Variants in ADAD1 observed in about 807,000 individuals in gnomAD.
ADAD1 encodes the protein adenosine deaminase domain containing 1.
Under a neutral mutation model 66.8 loss-of-function variants are expected in ADAD1, and 46 were observed. The observed-to-expected ratio is 0.69, with a 90% CI of 0.54 to 0.88. The LOEUF is 0.88. Among genes scored for constraint, ADAD1 ranks in the 40% least tolerant of loss-of-function variants. ADAD1 has a pLI of 0.00. For missense variants in ADAD1, 617 were observed against 681.8 expected (o/e 0.91, Z 1.06); for synonymous variants, 248 against 229.4 (o/e 1.08, Z -0.73).
intron 11 of ADAD1, among the ~76,000 whole-genome samples, chr4:122,418,811 C>G (rs1002295112): frequency 6.6e-6 from 1 of 152,042 alleles, no homozygotes; most frequent in African/African-American, 2.4e-5. Context: ...TTTAAAATTG[C>G]TAATCAAAGC....
At chr4:122,392,467 C>G (rs1795495741) in intron 5 of ADAD1, among the ~76,000 whole-genome samples, 1 of 152,184 alleles carries the variant, frequency 6.6e-6, no homozygotes, top group Non-Finnish European at 1.5e-5. Flanking sequence ...CCAAATACCT[C>G]AAGTTCTCAC....
chr4:122,425,915 G>C (rs534635136), intron 12 of ADAD1, among the ~76,000 whole-genome samples: 63 of 152,030 alleles, frequency 4.1e-4, no homozygotes, highest in Non-Finnish European at 8.1e-4. Flanking sequence ...TTAAAAATCA[G>C]TTATTGGAGC....
intron 7 of ADAD1, among the ~76,000 whole-genome samples, chr4:122,403,990 C>T (rs1796095044): frequency 1.3e-5 from 2 of 152,176 alleles, no homozygotes; most frequent in Admixed American, 1.3e-4. Context: ...CCAGCCCCCA[C>T]ACAGCCAACA....
At chr4:122,392,037 C>T (rs1265184448) in intron 5 of ADAD1, among the ~76,000 whole-genome samples, 1 of 152,148 alleles carries the variant, frequency 6.6e-6, no homozygotes. Context: ...AAATGCAAAA[C>T]ATCTTGTACA....
intron 12 of ADAD1, among the ~76,000 whole-genome samples, chr4:122,423,243 G>A (rs77943279): frequency 0.049 from 7,487 of 152,268 alleles, 260 homozygotes; most frequent in Non-Finnish European, 0.074. Flanking sequence ...AAACTTGGTA[G>A]GAAATTAATG....
chr4:122,384,614 A>G (rs1346023618), intron 5 of ADAD1, among the ~76,000 whole-genome samples: 1 of 152,166 alleles, frequency 6.6e-6, no homozygotes, highest in Non-Finnish European at 1.5e-5. Flanking sequence ...ACTTTGTTGA[A>G]CTCAAGTTAA....
At position 122,421,221 on chromosome 4, in the gene ADAD1, T is replaced by C. The variant is rs771813964; in HGVS notation, c.1488-40T>C. The C allele has an allele frequency of 2.1e-6, 3 of 1,450,952 alleles. No individual in the cohort carries two copies. In the South Asian group the frequency reaches 4.7e-5, roughly 23 times the overall value. The allele number at this position is 1,450,952 out of a possible 1,614,324, so 89.9% of individuals were successfully genotyped here. ...CTATACAATTGCCAACATAAATTAC[T>C]GAAAAAGAAATTTAAAAAATTTTAT... On this transcript the variant is annotated intron_variant, in intron 11 of 12. Coordinates refer to ENST00000296513, the MANE Select transcript of ADAD1 (RefSeq NM_139243.4).
At position 122,415,505 on chromosome 4, in the gene ADAD1, C is replaced by T. The variant is rs1277935147; in HGVS notation, c.1376C>T (p.Ser459Phe). ...AGACCTCATATTAGTTTAGTACCCTCTGCATATCCCCTTCAAATGAACTTG... is the reference window on the plus strand; with the variant it reads ...AGACCTCATATTAGTTTAGTACCCTTTGCATATCCCCTTCAAATGAACTTG... ...VNRPHISLVPSAYPLQMNLEY... is the reference protein window; with the variant it reads ...VNRPHISLVPFAYPLQMNLEY... Residue 459 changes from serine (S) to phenylalanine (F), a missense_variant, in exon 11 of 13, where the codon TCT (serine) becomes TTT (phenylalanine). By Grantham distance (155) the Ser-to-Phe change is radical (BLOSUM62 -2). Coordinates refer to ENST00000296513, the MANE Select transcript of ADAD1 (RefSeq NM_139243.4). 1.2e-6 allele frequency: 2 copies of T among 1,613,942 alleles called. No homozygotes were observed. The highest frequency in any genetic ancestry group is 1.7e-6 in the Non-Finnish European group (2 of 1,179,876).
intron 5 of ADAD1, among the ~76,000 whole-genome samples, chr4:122,389,626 T>C (rs1795343699): frequency 6.6e-6 from 1 of 152,236 alleles, no homozygotes; most frequent in African/African-American, 2.4e-5. Flanking sequence ...CCTTTGTCTT[T>C]TTTGATCTTT....
chr4:122,393,439 G>A (rs1795549267), intron 5 of ADAD1, 150 bp from the exon 6 acceptor site: 3 of 499,516 alleles, frequency 6.0e-6, no homozygotes, highest in African/African-American at 2.0e-5. Context: ...ATTTATCAGG[G>A]CTGAGCTAAT....
chr4:122,396,659 T>C (rs1795732057), intron 7 of ADAD1, among the ~76,000 whole-genome samples: 1 of 152,176 alleles, frequency 6.6e-6, no homozygotes, highest in Admixed American at 6.5e-5. Flanking sequence ...ACATTAAGAG[T>C]AGCATCTTTT....
chr4:122,388,174 G>A (rs896235163), intron 5 of ADAD1, among the ~76,000 whole-genome samples: 2 of 152,186 alleles, frequency 1.3e-5, no homozygotes, highest in African/African-American at 2.4e-5. Flanking sequence ...TACATTTATT[G>A]ATTTGTGTAT....
intron 4 of ADAD1, 137 bp downstream of exon 4, chr4:122,381,317 T>C (rs1313365750): frequency 4.5e-6 from 4 of 885,580 alleles, no homozygotes; most frequent in Non-Finnish European, 6.5e-6. Flanking sequence ...TAAATGTTTA[T>C]GTTCACACTT....
At chr4:122,391,931 A>G (rs1317668495) in intron 5 of ADAD1, among the ~76,000 whole-genome samples, 4 of 152,148 alleles carry the variant, frequency 2.6e-5, no homozygotes, top group Admixed American at 2.6e-4. Flanking sequence ...GCTGGTCTCA[A>G]ACTCCCAGCC....
Position 122,415,625 on chromosome 4 carries a change from T to C in ADAD1, c.1487+9T>C. On this transcript the variant is annotated intron_variant, in intron 11 of 12. Transcript: ENST00000296513. Reference sequence around the variant, plus strand: ...GGGAAGATCACTGAAAGGTTAAAATTACTAATTTCTTTAAACCATATATTA... The same window carrying C: ...GGGAAGATCACTGAAAGGTTAAAATCACTAATTTCTTTAAACCATATATTA... 1 of 1,604,288 alleles carries C rather than the reference T, an allele frequency of 6.2e-7. No homozygotes were observed. Among genetic ancestry groups the C allele is most frequent in the South Asian group, 1.1e-5 (1 of 90,630 alleles).
intron 5 of ADAD1, among the ~76,000 whole-genome samples, chr4:122,390,903 G>T (rs565048385): frequency 5.3e-5 from 8 of 152,142 alleles, no homozygotes; most frequent in Non-Finnish European, 1.2e-4. Flanking sequence ...TGCCCTTGAT[G>T]GAGAGACATC....
chr4:122,393,752 C>A, intron 6 of ADAD1, 95 bp downstream of exon 6: 2 of 902,018 alleles, frequency 2.2e-6, no homozygotes, highest in South Asian at 2.3e-5. Flanking sequence ...TGAAAATGTA[C>A]ATTAACACTT....
chr4:122,398,356 C>A (rs987768884), intron 7 of ADAD1, among the ~76,000 whole-genome samples: 1 of 151,154 alleles, frequency 6.6e-6, no homozygotes, highest in African/African-American at 2.4e-5. Flanking sequence ...GTCTGCGCCA[C>A]AATTTCTTTA....
At chr4:122,385,855 C>T (rs1795147623) in intron 5 of ADAD1, among the ~76,000 whole-genome samples, 1 of 152,158 alleles carries the variant, frequency 6.6e-6, no homozygotes, top group Admixed American at 6.5e-5. Context: ...ATCCATGTCC[C>T]TTCAAAGGAC....
Sources: gnomAD v4.1 joint callset for allele counts (sites outside exome capture counted in the v4.1 genomes callset) on GRCh38, gnomAD v4.1.1 for gene constraint, MANE v1.5 for transcripts, NCBI Gene and HGNC (gene_info 2026-07-23, HGNC 2026-07-21) for gene names.